The following PSMG2 variants were observed in gnomAD, a reference collection of about 807,000 sequenced individuals.
PSMG2 encodes the protein proteasome assembly chaperone 2.
In PSMG2, 21 loss-of-function variants were observed where a neutral mutation model predicts 31.5. The ratio of observed to expected loss-of-function variants is 0.67; its 90% CI spans 0.47 to 0.96. PSMG2 has a LOEUF of 0.96. PSMG2 is among the 40% of genes least tolerant of loss of function. The pLI is 0.00. For missense variants in PSMG2, 318 were observed against 321.2 expected (o/e 0.99, Z 0.08); for synonymous variants, 120 against 110.4 (o/e 1.09, Z -0.54).
intron 5 of PSMG2, among the ~76,000 whole-genome samples, chr18:12,722,271 A>G (rs930764227): frequency 5.3e-5 from 8 of 152,234 alleles, no homozygotes; most frequent in African/African-American, 1.9e-4. Context: ...ATTGGACTAC[A>G]GGCAGCACAT....
intron 1 of PSMG2, among the ~76,000 whole-genome samples, chr18:12,692,933 C>T (rs1239303456): frequency 6.6e-6 from 1 of 152,180 alleles, no homozygotes; most frequent in Non-Finnish European, 1.5e-5. Context: ...AGCGATCCTC[C>T]CACCTCAGCC....
chr18:12,682,131 ATT>A (rs997682585), intron 1 of PSMG2, among the ~76,000 whole-genome samples: 19 of 152,158 alleles, frequency 1.2e-4, no homozygotes, highest in African/African-American at 4.6e-4. Flanking sequence ...AAAAATAACT[ATT>A]TGAGTTGAGT....
At chr18:12,719,378 A>G (rs1009571145) in intron 4 of PSMG2, among the ~76,000 whole-genome samples, 4 of 152,152 alleles carry the variant, frequency 2.6e-5, no homozygotes, top group African/African-American at 9.7e-5. Context: ...CTTATACTCT[A>G]AGATGTAGCT....
intron 1 of PSMG2, among the ~76,000 whole-genome samples, chr18:12,705,920 T>A (rs1176561901): frequency 6.6e-6 from 1 of 152,196 alleles, no homozygotes; most frequent in African/African-American, 2.4e-5. Flanking sequence ...TAGTGTTTGT[T>A]TTGTTTATTA....
At position 12,720,611 on chromosome 18, in the gene PSMG2, C is replaced by T. The variant is rs764987397; in HGVS notation, c.509C>T (p.Pro170Leu). 6 of 1,613,754 alleles carry T rather than the reference C, an allele frequency of 3.7e-6. No homozygotes were observed. The East Asian group carries it at 8.9e-5, about 24-fold the overall frequency. Residue 170 changes from proline to leucine, a missense_variant, in exon 5 of 7, where the codon CCT becomes CTT. Physicochemically the swap from Pro to Leu is moderately conservative, Grantham distance 98 (BLOSUM62 -3). Coordinates refer to ENST00000317615, the MANE Select transcript of PSMG2 (RefSeq NM_020232.5). ...GAAATGGAAAAAAGCCGGTGCATTC[C>T]TGAAATAGATGATTCCGAGTTTTGT... ...WEEMEKSRCI[P>L]EIDDSEFCIR...
chr18:12,675,703 C>T (rs2039100401), intron 1 of PSMG2, among the ~76,000 whole-genome samples: 1 of 151,988 alleles, frequency 6.6e-6, no homozygotes. Flanking sequence ...GAGTCTTACT[C>T]TGTTGCCCAG....
chr18:12,718,836 T>C (rs1389949931), intron 4 of PSMG2, among the ~76,000 whole-genome samples: 1 of 151,992 alleles, frequency 6.6e-6, no homozygotes, highest in Non-Finnish European at 1.5e-5. Context: ...CTTAGTAGAG[T>C]TGGGGCATGG....
intron 1 of PSMG2, chr18:12,686,171 C>T: frequency 1.9e-6 from 2 of 1,036,212 alleles, no homozygotes; most frequent in East Asian, 2.6e-5. Flanking sequence ...ACTATATGTG[C>T]ATTTTTCTAA....
Position 12,706,621 on chromosome 18 carries a change from G to A in PSMG2, c.129G>A (p.Lys43=). ...DLIISTLNMS[K]IGYFYTDCLV... is the part of the protein sequence containing the mutation. ...TTATTTCTACACTGAATATGTCTAA[G>A]ATTGGTTACTTCTATACCGATTGTC... The change falls in exon 2 of 7, where the codon AAG becomes AAA. Residue 43 remains lysine (K), a synonymous_variant. Transcript: ENST00000317615. 3 of 1,614,110 alleles carry A rather than the reference G, an allele frequency of 1.9e-6. 1 individual carries two copies. In the South Asian group the frequency reaches 3.3e-5, roughly 18 times the overall value.
At position 12,713,490 on chromosome 18, in the gene PSMG2, C is replaced by CGAT. The variant is rs1568042622; in HGVS notation, c.288+732_288+734dup. ...GTGGATTCTGAGATCAGTAGGTGAG[C>CGAT]GATGGAAGGAAAGGGGACATCTGGA... On this transcript the variant is annotated intron_variant, in intron 3 of 6. Transcript: ENST00000317615. Among the ~76,000 whole-genome samples, 3 of 152,042 alleles carry CGAT rather than the reference C, an allele frequency of 2.0e-5. No homozygotes were observed. The East Asian group carries it at 5.8e-4, about 29-fold the overall frequency.
At chr18:12,661,270 T>C in intron 1 of PSMG2, 2 of 572,780 alleles carry the variant, frequency 3.5e-6, no homozygotes, top group Non-Finnish European at 4.4e-6. Flanking sequence ...ATCACGCCAT[T>C]GCACCCCAGC....
At chr18:12,678,873 T>C (rs1008669417) in intron 1 of PSMG2, among the ~76,000 whole-genome samples, 5 of 152,052 alleles carry the variant, frequency 3.3e-5, no homozygotes, top group African/African-American at 9.7e-5. Context: ...GGAGAATTGC[T>C]TGAACCCGGG....
chr18:12,693,846 T>C (rs557073801), intron 1 of PSMG2, among the ~76,000 whole-genome samples: 14 of 152,170 alleles, frequency 9.2e-5, no homozygotes, highest in Admixed American at 2.6e-4. Flanking sequence ...ACACCATTTA[T>C]TTAAGAGACA....
chr18:12,702,971 T>C (rs1186916918), upstream of PSMG2: 2 of 1,005,064 alleles, frequency 2.0e-6, no homozygotes, highest in African/African-American at 1.7e-5. Flanking sequence ...TGGACGGGCC[T>C]CAAGGGCCCG....
intron 1 of PSMG2, among the ~76,000 whole-genome samples, chr18:12,696,713 T>G (rs959154642): frequency 2.0e-5 from 3 of 152,112 alleles, no homozygotes; most frequent in Non-Finnish European, 4.4e-5. Context: ...ATAAATAAGA[T>G]AGGCACCAGC....
rs565056941 is a variant in PSMG2 at position 12,712,498 on chromosome 18, G to T, written c.230-204G>T. On this transcript the variant is annotated intron_variant, in intron 2 of 6. Transcript: ENST00000317615. ...CAGTTAACTTTTCAGAAATGAATCTGTTCCATAGAATAAAGCCCACTGGCT... is the reference window on the plus strand; with the variant it reads ...CAGTTAACTTTTCAGAAATGAATCTTTTCCATAGAATAAAGCCCACTGGCT... Among the ~76,000 whole-genome samples, 6 of 152,252 alleles carry T rather than the reference G, an allele frequency of 3.9e-5. No homozygotes were observed. The South Asian group carries it at 6.2e-4, about 16-fold the overall frequency.
intron 5 of PSMG2, among the ~76,000 whole-genome samples, chr18:12,722,452 CCG>C (rs2040439886): frequency 6.6e-6 from 1 of 152,100 alleles, no homozygotes. Flanking sequence ...GGCAGAGAAT[CCG>C]AGGGCAGGGG....
chr18:12,659,934 T>G (rs2038661523), intron 1 of PSMG2, among the ~76,000 whole-genome samples: 1 of 152,206 alleles, frequency 6.6e-6, no homozygotes, highest in South Asian at 2.1e-4. Flanking sequence ...ATTTTGCTAT[T>G]TCAAAAGTTT....
chr18:12,675,276 G>T (rs1482686994), intron 1 of PSMG2, among the ~76,000 whole-genome samples: 1 of 152,022 alleles, frequency 6.6e-6, no homozygotes, highest in Non-Finnish European at 1.5e-5. Flanking sequence ...GGTGCATGTA[G>T]TCCCAGCTAC....
Sources: gnomAD v4.1 joint callset for allele counts (sites outside exome capture counted in the v4.1 genomes callset) on GRCh38, gnomAD v4.1.1 for gene constraint, MANE v1.5 for transcripts, NCBI Gene and HGNC (gene_info 2026-07-23, HGNC 2026-07-21) for gene names.